C6orf132: variants seen among roughly 807,000 people sequenced by gnomAD.
The protein encoded by C6orf132 is chromosome 6 open reading frame 132.
C6orf132 carries 43 observed loss-of-function variants against 65.3 expected under a neutral mutation model. The ratio of observed to expected loss-of-function variants is 0.66; its 90% CI spans 0.52 to 0.85. The LOEUF (loss-of-function observed/expected upper bound fraction) is 0.85, where lower values mean the gene tolerates loss of function less well. Among genes scored for constraint, C6orf132 ranks in the 40% least tolerant of loss-of-function variants. The pLI is 0.00. For synonymous variants in C6orf132, 631 were observed against 654.1 expected, an observed-to-expected ratio of 0.96 and a Z score of 0.54; for missense variants, 1,488 against 1,548.8, an observed-to-expected ratio of 0.96 and a Z score of 0.66.
intron 2 of C6orf132, among the ~76,000 whole-genome samples, chr6:42,114,977 G>A (rs1244424983): frequency 4.7e-5 from 7 of 148,910 alleles, no homozygotes; most frequent in African/African-American, 1.8e-4. Context: ...CTGCACTCCA[G>A]CCTGGGCGAC....
intron 2 of C6orf132, among the ~76,000 whole-genome samples, chr6:42,121,547 C>T (rs891764553): frequency 1.2e-4 from 19 of 152,356 alleles, no homozygotes; most frequent in Non-Finnish European, 1.8e-4. Flanking sequence ...CTCCTCATGC[C>T]TGGGACACAC....
intron 3 of C6orf132, among the ~76,000 whole-genome samples, chr6:42,109,841 G>A (rs1452482713): frequency 2.0e-5 from 3 of 152,198 alleles, no homozygotes; most frequent in South Asian, 2.1e-4. Context: ...CCCATCGTTC[G>A]TTGGAAGATA....
chr6:42,110,082 G>A, intron 3 of C6orf132, 134 bp downstream of exon 3: 5 of 687,374 alleles, frequency 7.3e-6, no homozygotes, highest in Non-Finnish European at 9.4e-6. Context: ...GATGACTGAG[G>A]ATGGCGAGAG....
intron 1 of C6orf132, among the ~76,000 whole-genome samples, chr6:42,137,019 G>A (rs1474995653): frequency 2.0e-5 from 3 of 152,174 alleles, no homozygotes; most frequent in African/African-American, 4.8e-5. Context: ...CCTTCATCCC[G>A]AAACTACCGA....
Position 42,117,492 on chromosome 6 carries a change from G to GTCCCT in C6orf132, c.253-7206_253-7202dup, listed in dbSNP as rs775203194. 9.2e-4 allele frequency among the ~76,000 whole-genome samples: 140 copies of GTCCCT among 152,138 alleles called. 1 individual carries two copies. Among genetic ancestry groups the GTCCCT allele is most frequent in the Non-Finnish European group, 1.0e-3 (71 of 67,996 alleles). On this transcript the variant is annotated intron_variant, in intron 2 of 4. Coordinates refer to ENST00000341865, the MANE Select transcript of C6orf132 (RefSeq NM_001164446.3). ...TATAGACATAGAGTTGATGACTGTA[G>GTCCCT]TCCCTGCTGCCCAGCCCAGTCTACT...
chr6:42,106,746 G>A lies in C6orf132; in HGVS notation c.1166C>T (p.Thr389Ile). ...GGGCAGGGGAGGGGCTGGAGGCGGA[G>A]TCCCAGCTCGTTCATCTGCTTGGGA... is the stretch of plus-strand genomic sequence containing the variant. ...SQSQADERAG[T>I]PPPAPPLPPP... The change falls in exon 4 of 5, where the codon ACT becomes ATT. Residue 389 changes from threonine (T) to isoleucine (I), a missense_variant. Thr to Ile is a moderately conservative substitution (Grantham distance 89). Coordinates refer to ENST00000341865, the MANE Select transcript of C6orf132 (RefSeq NM_001164446.3). The A allele has an allele frequency of 3.3e-6, 5 of 1,531,016 alleles. No individual in the cohort carries two copies. Among genetic ancestry groups the A allele is most frequent in the Non-Finnish European group, 4.4e-6 (5 of 1,144,708 alleles). 94.8% of individuals were successfully genotyped at this position (1,531,016 alleles called of 1,614,324 possible).
intron 3 of C6orf132, among the ~76,000 whole-genome samples, chr6:42,109,588 C>T (rs183072405): frequency 2.6e-5 from 4 of 152,168 alleles, no homozygotes; most frequent in Non-Finnish European, 4.4e-5. Context: ...GACCCCAAGG[C>T]GGAAATGTGC....
chr6:42,104,187 C>T lies in C6orf132; in HGVS notation c.3449+276G>A, dbSNP rs1766344509. 6.6e-6 allele frequency among the ~76,000 whole-genome samples: 1 copy of T among 152,214 alleles called. No homozygotes were observed. Among genetic ancestry groups the T allele is most frequent in the Non-Finnish European group, 1.5e-5 (1 of 68,028 alleles). On this transcript the variant is annotated intron_variant, in intron 4 of 4. Coordinates refer to ENST00000341865, the MANE Select transcript of C6orf132 (RefSeq NM_001164446.3). The surrounding 1 kb of genome is among the most constrained non-coding windows in gnomAD (Gnocchi z 4.1). Reference sequence around the variant, plus strand: ...CCACCCAAGGGCCACTCAGATCTCTCCCCGCCCCACACTTAGCCTGACCTC... The same window carrying T: ...CCACCCAAGGGCCACTCAGATCTCTTCCCGCCCCACACTTAGCCTGACCTC...
intron 1 of C6orf132, among the ~76,000 whole-genome samples, chr6:42,141,699 A>G (rs1767035290): frequency 6.6e-6 from 1 of 152,096 alleles, no homozygotes; most frequent in African/African-American, 2.4e-5. Flanking sequence ...TGGCCCCAAT[A>G]AGTGACTTGG....
In C6orf132 at chr6:42,104,480, G is replaced by C. The variant is rs959274616; in HGVS notation, c.3432C>G (p.Phe1144Leu). ...HKAPGSADYGFAPAAGRSPYT... is the reference protein window; with the variant it reads ...HKAPGSADYGLAPAAGRSPYT... ...CAGCTCACCTGCCGGCAGCTGGGGC[G>C]AAGCCGTAGTCGGCGCTGCCGGGCG... Residue 1144 changes from phenylalanine to leucine, a missense_variant, in exon 4 of 5, where the codon TTC becomes TTG. Transcript: ENST00000341865. This position sits in a 1 kb window ranked among gnomAD's most constrained non-coding sequence, Gnocchi z 4.1. 16 of 1,231,374 alleles carry C rather than the reference G, an allele frequency of 1.3e-5. No individual in the cohort carries two copies. Among genetic ancestry groups the C allele is most frequent in the Non-Finnish European group, 1.5e-5 (15 of 987,902 alleles). 76.3% of individuals were successfully genotyped at this position (1,231,374 alleles called of 1,614,324 possible).
At chr6:42,117,074 G>A (rs1455658965) in intron 2 of C6orf132, among the ~76,000 whole-genome samples, 3 of 152,024 alleles carry the variant, frequency 2.0e-5, no homozygotes, top group Non-Finnish European at 4.4e-5. Context: ...AAACTCCTAG[G>A]TATCCTTTAA....
intron 2 of C6orf132, among the ~76,000 whole-genome samples, chr6:42,117,093 T>C (rs571688288): frequency 6.6e-6 from 1 of 152,264 alleles, no homozygotes; most frequent in African/African-American, 2.4e-5. Flanking sequence ...AAGCCCCAGA[T>C]TAAATGCCCT....
chr6:42,118,413 T>G (rs9369337), intron 2 of C6orf132, among the ~76,000 whole-genome samples: 81,849 of 152,006 alleles, frequency 0.54, 22,554 homozygotes, highest in Middle Eastern at 0.7. Flanking sequence ...GTCCCAACCT[T>G]ACACTGCTCC....
chr6:42,130,190 G>A (rs150628075), intron 1 of C6orf132, among the ~76,000 whole-genome samples: 32 of 152,332 alleles, frequency 2.1e-4, no homozygotes, highest in African/African-American at 7.0e-4. Flanking sequence ...CGTGTGCTCC[G>A]CACGTCCCTG....
intron 3 of C6orf132, among the ~76,000 whole-genome samples, chr6:42,109,430 C>CATATAAATAAAT (rs1766463940): frequency 6.6e-6 from 1 of 151,038 alleles, no homozygotes; most frequent in African/African-American, 2.4e-5. Flanking sequence ...GACTCCATCT[C>CATATAAATAAAT]AAATAAATAA....
chr6:42,127,683 T>C (rs113120412), intron 2 of C6orf132, among the ~76,000 whole-genome samples: 11,461 of 152,160 alleles, frequency 0.075, 1,152 homozygotes, highest in African/African-American at 0.23. Flanking sequence ...GTGCCACCCA[T>C]GACCCAGCTC....
chr6:42,128,860 C>T (rs1766810440), intron 1 of C6orf132, 82 bp from the exon 2 acceptor site: 2 of 1,009,430 alleles, frequency 2.0e-6, no homozygotes, highest in Admixed American at 4.1e-5. Context: ...CCTTCAGCTC[C>T]CAGTGAGGAA....
chr6:42,142,553 C>G lies in C6orf132; in HGVS notation c.-109G>C. On this transcript the variant is annotated 5_prime_UTR_variant, in exon 1 of 5. Transcript: ENST00000341865. ...CCCAGGGGACTCTACCAGGCCATGT[C>G]CCCCGCCGTCCTCCCCGCCCGCGCA... The G allele has an allele frequency of 1.8e-6, 2 of 1,106,992 alleles. No individual in the cohort carries two copies. Among genetic ancestry groups the G allele is most frequent in the Non-Finnish European group, 2.4e-6 (2 of 838,252 alleles). The allele number at this position is 1,106,992 out of a possible 1,614,324, so 68.6% of individuals were successfully genotyped here.
rs781634897 is a variant in C6orf132 at position 42,106,872 on chromosome 6, C to T, written c.1040G>A (p.Arg347His). ...RLPLPPSFHI[R>H]PASQVYPDRA... The stretch of plus-strand genomic sequence containing the variant: ...GTCTGGGTAGACCTGGGAGGCGGGG[C>T]GGATGTGGAAGCTGGGAGGCAGTGG... Residue 347 changes from arginine to histidine, a missense_variant, in exon 4 of 5, where the codon CGC becomes CAC. By Grantham distance (29) the Arg-to-His change is conservative. Transcript: ENST00000341865. 2.4e-5 allele frequency: 37 copies of T among 1,533,970 alleles called. No homozygotes were observed. The Middle Eastern group carries it at 1.4e-3, about 58-fold the overall frequency.
Sources: gnomAD v4.1 joint callset for allele counts (sites outside exome capture counted in the v4.1 genomes callset) on GRCh38, gnomAD v4.1.1 for gene constraint, Gnocchi (gnomAD v3.1) non-coding constraint, MANE v1.5 for transcripts, NCBI Gene and HGNC (gene_info 2026-07-23, HGNC 2026-07-21) for gene names.